The following XG variants were observed in gnomAD, a reference collection of about 807,000 sequenced individuals.
XG encodes the protein glycoprotein Xg.
In XG, 24 loss-of-function variants were observed where a neutral mutation model predicts 25.7. That is an observed-to-expected ratio of 0.93 (90% CI 0.68 to 1.31). The LOEUF (loss-of-function observed/expected upper bound fraction) is 1.31. Ranked by LOEUF, XG falls within the 40% of genes most tolerant of loss-of-function variation. The pLI is 0.00. For missense variants in XG, 181 were observed against 187.6 expected (o/e 0.96, Z 0.21); for synonymous variants, 77 against 69.2 (o/e 1.11, Z -0.56).
At chrX:2,760,861 G>A (rs1471706401) in intron 1 of XG, among the ~76,000 whole-genome samples, 2 of 151,562 alleles carry the variant, frequency 1.3e-5, no homozygotes, top group African/African-American at 4.9e-5. Context: ...ACACAGGGAC[G>A]ATCCTGTGAG....
chrX:2,780,425 T>TAA (rs751220927), intron 3 of XG, among the ~76,000 whole-genome samples: 2,436 of 126,604 alleles, frequency 0.019, 33 homozygotes, highest in African/African-American at 0.034. Flanking sequence ...TTTTTTTTTC[T>TAA]AAAAAAAAAA....
intron 2 of XG, among the ~76,000 whole-genome samples, chrX:2,773,859 G>C (rs930698063): frequency 2.0e-4 from 31 of 151,560 alleles, no homozygotes; most frequent in Non-Finnish European, 4.4e-5. Flanking sequence ...AGGAAGAAGG[G>C]AGGGCAGGAA....
At chrX:2,778,406 A>G (rs951284343) in intron 3 of XG, among the ~76,000 whole-genome samples, 3 of 152,038 alleles carry the variant, frequency 2.0e-5, no homozygotes, top group African/African-American at 7.2e-5. Context: ...ATTAGTGGAC[A>G]TGGTGGCATG....
At chrX:2,805,322 AAG>A (rs1456519323) in intron 7 of XG, among the ~76,000 whole-genome samples, 1 of 112,345 alleles carries the variant, frequency 8.9e-6, no homozygotes, top group Non-Finnish European at 1.9e-5. Context: ...TGTAAATTAC[AAG>A]AGTCAGGAGG....
chrX:2,812,079 C>CCAAATATAGTT (rs77981807), intron 10 of XG, among the ~76,000 whole-genome samples: 59,812 of 110,315 alleles, frequency 0.54, 12,895 homozygotes, highest in Non-Finnish European at 0.69. Context: ...GGTTTAACTA[C>CCAAATATAGTT]CTGTTCTGTT....
intron 3 of XG, among the ~76,000 whole-genome samples, chrX:2,776,812 A>G (rs1329682801): frequency 1.3e-5 from 2 of 152,054 alleles, no homozygotes; most frequent in Non-Finnish European, 2.9e-5. Flanking sequence ...CTCCCACTGC[A>G]CTCCAGCCTG....
chrX:2,798,622 C>T (rs951374258), intron 7 of XG, among the ~76,000 whole-genome samples: 3 of 111,285 alleles, frequency 2.7e-5, no homozygotes, highest in African/African-American at 9.8e-5. Context: ...CCATCTGCCT[C>T]AGCCTCCCAA....
At chrX:2,786,258 G>GTTTTTTTTTTT (rs1569039363) in intron 4 of XG, among the ~76,000 whole-genome samples, 1 of 26,265 alleles carries the variant, frequency 3.8e-5, no homozygotes, top group Admixed American at 4.9e-4. Context: ...TATCCATGTT[G>GTTTTTTTTTTT]TCTTTTTTTT....
chrX:2,774,833 G>T (rs2050940172), intron 3 of XG, 94 bp downstream of exon 3: 1 of 1,498,052 alleles, frequency 6.7e-7, no homozygotes. Context: ...GAACTGTGGG[G>T]TATATGAAAG....
chrX:2,785,909 G>C (rs778709435), intron 4 of XG, among the ~76,000 whole-genome samples: 4 of 111,305 alleles, frequency 3.6e-5, no homozygotes, highest in Non-Finnish European at 7.5e-5. Flanking sequence ...CCCAGAGATG[G>C]AATGTCCTAG....
At chrX:2,782,236 G>A (rs2086736798) in intron 4 of XG, 108 bp downstream of exon 4, 10 of 869,064 alleles carry the variant, frequency 1.2e-5, no homozygotes, top group Non-Finnish European at 1.5e-5. Context: ...GTGTGTAATA[G>A]CTCCCTTACT....
intron 1 of XG, among the ~76,000 whole-genome samples, chrX:2,768,641 A>C (rs1434777414): frequency 6.6e-6 from 1 of 152,092 alleles, no homozygotes; most frequent in Non-Finnish European, 1.5e-5. Flanking sequence ...GATGGCATGC[A>C]CCTGTAATCC....
chrX:2,780,246 GAA>G (rs1372107918), intron 3 of XG, among the ~76,000 whole-genome samples: 3 of 151,974 alleles, frequency 2.0e-5, no homozygotes, highest in Non-Finnish European at 4.4e-5. Flanking sequence ...GCGACTAAAA[GAA>G]GAGGGATATG....
At chrX:2,777,789 A>G (rs2534628) in intron 3 of XG, among the ~76,000 whole-genome samples, 60,096 of 152,030 alleles carry the variant, frequency 0.4, 9,766 homozygotes, top group African/African-American at 0.5. Context: ...GGCTGGGCGC[A>G]GTGGCTCACG....
intron 1 of XG, among the ~76,000 whole-genome samples, chrX:2,755,842 T>C (rs942607488): frequency 6.6e-6 from 1 of 152,020 alleles, no homozygotes; most frequent in Non-Finnish European, 1.5e-5. Flanking sequence ...ATTCCCAAGA[T>C]CCCAAAAACA....
At chrX:2,782,188 A>G (rs2086736269) in intron 4 of XG, 60 bp downstream of exon 4, 4 of 1,144,399 alleles carry the variant, frequency 3.5e-6, no homozygotes, top group Non-Finnish European at 4.8e-6. Context: ...TTGCCTTTTT[A>G]TTTACTAGCA....
At chrX:2,808,947 A>G (rs1481624778) in intron 9 of XG, among the ~76,000 whole-genome samples, 1 of 111,741 alleles carries the variant, frequency 8.9e-6, no homozygotes, top group Non-Finnish European at 1.9e-5. Context: ...GTGTAAAGTG[A>G]GGTCCAGAGA....
At chrX:2,767,796 C>T (rs1303769967) in intron 1 of XG, among the ~76,000 whole-genome samples, 2 of 152,138 alleles carry the variant, frequency 1.3e-5, no homozygotes, top group African/African-American at 4.8e-5. Context: ...GTGCCCAGGC[C>T]GTCTGATGCT....
intron 1 of XG, among the ~76,000 whole-genome samples, chrX:2,753,253 A>T (rs996026918): frequency 1.3e-5 from 2 of 152,108 alleles, no homozygotes; most frequent in African/African-American, 4.8e-5. Context: ...AGAATTTTTT[A>T]TTATTCTGTG....
Sources: allele counts gnomAD v4.1 joint callset (sites outside exome capture counted in the v4.1 genomes callset), GRCh38; gene constraint gnomAD v4.1.1; transcripts MANE v1.5; gene names NCBI Gene and HGNC (gene_info 2026-07-23, HGNC 2026-07-21).